Variants in HK2 observed in about 807,000 individuals in gnomAD.
HK2 encodes hexokinase-2.
In HK2, 42 loss-of-function variants were observed where a neutral mutation model predicts 92.9. The observed-to-expected ratio is 0.45, with a 90% CI of 0.35 to 0.58. HK2 has a LOEUF of 0.58. HK2 is among the 20% of genes least tolerant of loss of function. The probability of loss-of-function intolerance (pLI) is 0.00; values close to 1 mark genes in which losing one functional copy is unlikely to be tolerated. For synonymous variants in HK2, 422 were observed against 468.0 expected (o/e 0.90, Z 1.27); for missense variants, 978 against 1,245.1 (o/e 0.79, Z 3.23).
intron 10 of HK2, 141 bp from the exon 11 acceptor site, chr2:74,881,570 T>A (rs77041784): frequency 0.011 from 9,564 of 889,722 alleles, 60 homozygotes; most frequent in Non-Finnish European, 0.015. Context: ...TGGACTCTTC[T>A]GTTCCTTCTG....
intron 3 of HK2, among the ~76,000 whole-genome samples, chr2:74,870,233 C>T (rs1168397613): frequency 6.6e-6 from 1 of 152,064 alleles, no homozygotes; most frequent in Non-Finnish European, 1.5e-5. Flanking sequence ...TGGCTTTGAG[C>T]TTCTGACCTC....
chr2:74,878,475 T>C (rs1480606006), intron 8 of HK2, among the ~76,000 whole-genome samples: 1 of 150,086 alleles, frequency 6.7e-6, no homozygotes, highest in African/African-American at 2.5e-5. Context: ...GTGTGGTGTC[T>C]GGGAGAGGAG....
In HK2 at chr2:74,883,811, T is replaced by G. The variant is rs892690670; in HGVS notation, c.1839+1572T>G. Reference sequence around the variant, plus strand: ...ACCATTACTTATTATAACAAAGATATTAGAAACAAACTTGCTGAATAGTGA... The same window carrying G: ...ACCATTACTTATTATAACAAAGATAGTAGAAACAAACTTGCTGAATAGTGA... On this transcript the variant is annotated intron_variant, in intron 12 of 17. Transcript: ENST00000290573. 2.0e-5 allele frequency among the ~76,000 whole-genome samples: 3 copies of G among 152,198 alleles called. No homozygotes were observed. The South Asian group carries it at 6.2e-4, about 31-fold the overall frequency.
intron 1 of HK2, among the ~76,000 whole-genome samples, chr2:74,851,370 A>G (rs1280545237): frequency 3.9e-5 from 6 of 152,238 alleles, no homozygotes; most frequent in Non-Finnish European, 8.8e-5. Flanking sequence ...GTCATTGAAC[A>G]TGTGGAAGAT....
chr2:74,861,969 C>T (rs1688842690), intron 2 of HK2, among the ~76,000 whole-genome samples: 1 of 152,208 alleles, frequency 6.6e-6, no homozygotes, highest in Non-Finnish European at 1.5e-5. Flanking sequence ...ATTATGTTCA[C>T]AGGTAAGTAT....
At chr2:74,873,040 C>T (rs1558799502) in intron 4 of HK2, among the ~76,000 whole-genome samples, 2 of 152,198 alleles carry the variant, frequency 1.3e-5, no homozygotes, top group African/African-American at 4.8e-5. Context: ...TTGTTACCAC[C>T]GCAGTATACA....
intron 3 of HK2, among the ~76,000 whole-genome samples, chr2:74,870,504 TCCAGTC>T: frequency 6.7e-6 from 1 of 148,580 alleles, no homozygotes; most frequent in African/African-American, 2.5e-5. Context: ...AACCCCCACC[TCCAGTC>T]TTTGATGATT....
intron 9 of HK2, 29 bp downstream of exon 9, chr2:74,878,950 C>A (rs920352707): frequency 2.1e-5 from 32 of 1,526,690 alleles, no homozygotes; most frequent in Non-Finnish European, 2.7e-5. Context: ...CCTGGAGATG[C>A]GGAGTTCCTG....
chr2:74,854,830 G>A (rs922662555), intron 2 of HK2, among the ~76,000 whole-genome samples: 1 of 152,214 alleles, frequency 6.6e-6, no homozygotes, highest in African/African-American at 2.4e-5. Flanking sequence ...GGCCGTGGGA[G>A]CCGCTCTGTG....
chr2:74,860,587 C>G (rs918758333), intron 2 of HK2, among the ~76,000 whole-genome samples: 1 of 152,120 alleles, frequency 6.6e-6, no homozygotes, highest in African/African-American at 2.4e-5. Context: ...CTATCAGTGT[C>G]TCGTTCCTTT....
intron 7 of HK2, 65 bp from the exon 8 acceptor site, chr2:74,877,101 A>G: frequency 1.9e-6 from 3 of 1,605,458 alleles, no homozygotes; most frequent in Non-Finnish European, 2.6e-6. Context: ...ATCTTGCTTC[A>G]ACAGGGAAGC....
rs1573345157 is a variant in HK2, at chr2:74,834,757, G to A, written c.63+114G>A. The A allele has an allele frequency of 1.6e-6, 2 of 1,238,824 alleles. No homozygotes were observed. The highest frequency in any genetic ancestry group is 2.4e-5 in the East Asian group (1 of 42,218). The allele number at this position is 1,238,824 out of a possible 1,614,324, so 76.7% of individuals were successfully genotyped here. A position where few individuals can be genotyped will look rare whatever the true frequency, so the allele number is the denominator to read the frequency against. ...CTTCCTCCCTACTCCGGGCCTGGGA[G>A]CGGAAAAAGTTTGGGCAGCCGGGAC... On this transcript the variant is annotated intron_variant, in intron 1 of 17. Transcript: ENST00000290573. The surrounding 1 kb of genome is among the most constrained non-coding windows in gnomAD (Gnocchi z 4.2).
rs766502678 is a variant in HK2 at position 74,873,362 on chromosome 2, G to C, written c.582G>C (p.Gln194His). ...DVVALIRKAI[Q>H]RRGDFDIDIV... Reference sequence around the variant, plus strand: ...TGGCTCTGATCCGGAAGGCCATCCAGAGGAGAGGGGTGAGTGGGGTGGCAG... The same window carrying C: ...TGGCTCTGATCCGGAAGGCCATCCACAGGAGAGGGGTGAGTGGGGTGGCAG... The change falls in exon 5 of 18, where the codon CAG becomes CAC. Residue 194 changes from glutamine to histidine, a missense_variant. Physicochemically the swap from Gln to His is conservative, Grantham distance 24. Coordinates refer to ENST00000290573, the MANE Select transcript of HK2 (RefSeq NM_000189.5). The C allele has an allele frequency of 1.9e-6, 3 of 1,613,310 alleles. No homozygotes were observed. The South Asian group carries it at 3.3e-5, about 18-fold the overall frequency.
intron 16 of HK2, 128 bp from the exon 17 acceptor site, chr2:74,889,117 C>T (rs1001319955): frequency 2.4e-4 from 183 of 767,158 alleles, no homozygotes; most frequent in Middle Eastern, 9.3e-4. Flanking sequence ...GGAACCACCT[C>T]GAGGGGCCAG....
chr2:74,840,610 G>A (rs980080665), intron 1 of HK2, among the ~76,000 whole-genome samples: 1 of 151,050 alleles, frequency 6.6e-6, no homozygotes, highest in Non-Finnish European at 1.5e-5. Flanking sequence ...GCTCACGCCT[G>A]TAATCCCAGC....
At position 74,890,899 on chromosome 2, in the gene HK2, C is replaced by T. The variant is rs758897085; in HGVS notation, c.2712C>T (p.Ile904=). Reference sequence around the variant, plus strand: ...GCAGCGGGAAGGGGGCGGCGCTCATCACTGCTGTGGCCTGCCGCATCCGTG... The same window carrying T: ...GCAGCGGGAAGGGGGCGGCGCTCATTACTGCTGTGGCCTGCCGCATCCGTG... ...EDGSGKGAAL[I]TAVACRIREA... is the part of the protein sequence containing the mutation. Residue 904 remains isoleucine (I), a synonymous_variant, in exon 18 of 18, where the codon ATC becomes ATT. Transcript: ENST00000290573. The T allele has an allele frequency of 6.8e-6, 11 of 1,614,242 alleles. No homozygotes were observed. The Admixed American group carries it at 1.7e-4, about 24-fold the overall frequency.
chr2:74,858,187 A>T (rs1249413877), intron 2 of HK2, among the ~76,000 whole-genome samples: 1 of 152,240 alleles, frequency 6.6e-6, no homozygotes, highest in Admixed American at 6.5e-5. Context: ...TTATTCTTAA[A>T]CATGATGAAG....
chr2:74,867,438 A>C (rs892102368), intron 2 of HK2, among the ~76,000 whole-genome samples, 198 bp from the exon 3 acceptor site: 3 of 152,128 alleles, frequency 2.0e-5, no homozygotes, highest in Admixed American at 1.3e-4. Flanking sequence ...GTTTTAATAA[A>C]GCTCTGAGAA....
chr2:74,852,591 G>A (rs1237506910), intron 1 of HK2, among the ~76,000 whole-genome samples: 1 of 152,118 alleles, frequency 6.6e-6, no homozygotes, highest in Non-Finnish European at 1.5e-5. Context: ...TGGGGGGCTA[G>A]TGCCCCACAG....
Sources: gnomAD v4.1 joint callset for allele counts (sites outside exome capture counted in the v4.1 genomes callset) on GRCh38, gnomAD v4.1.1 for gene constraint, Gnocchi (gnomAD v3.1) non-coding constraint, MANE v1.5 for transcripts, NCBI Gene and HGNC (gene_info 2026-07-23, HGNC 2026-07-21) for gene names.